The following ZNF337 variants were observed in gnomAD, a reference collection of about 807,000 sequenced individuals.
ZNF337 encodes zinc finger protein 337.
A neutral mutation model predicts 12.1 loss-of-function variants in ZNF337; 8 were observed. That is an observed-to-expected ratio of 0.66 (90% CI 0.39 to 1.19). ZNF337 has a LOEUF of 1.19. Ranked by LOEUF, ZNF337 falls within the 50% of genes most tolerant of loss-of-function variation. ZNF337 has a pLI of 0.01. For synonymous variants in ZNF337, 336 were observed against 320.0 expected (o/e 1.05, Z -0.53); for missense variants, 882 against 896.6 (o/e 0.98, Z 0.21).
Position 25,674,217 on chromosome 20 carries a change from T to C in ZNF337, c.*815A>G, listed in dbSNP as rs2065648165. 6.6e-6 allele frequency: 1 copy of C among 152,228 alleles called. No homozygotes were observed. Among genetic ancestry groups the C allele is most frequent in the Admixed American group, 6.5e-5 (1 of 15,284 alleles). 9.4% of individuals were successfully genotyped at this position (152,228 alleles called of 1,614,324 possible). A position where few individuals can be genotyped will look rare whatever the true frequency, so the allele number is the denominator to read the frequency against. ...ATAAAATACCACTGACTAGGAAATGTATAAAGAGGACTTTATTTTCCCAGA... is the reference window on the plus strand; with the variant it reads ...ATAAAATACCACTGACTAGGAAATGCATAAAGAGGACTTTATTTTCCCAGA... On this transcript the variant is annotated 3_prime_UTR_variant, in exon 5 of 5. Transcript: ENST00000252979.
Position 25,676,096 on chromosome 20 carries a change from G to A in ZNF337, c.1192C>T (p.His398Tyr). 1 of 1,614,090 alleles carries A rather than the reference G, an allele frequency of 6.2e-7. No homozygotes were observed. Among genetic ancestry groups the A allele is most frequent in the Non-Finnish European group, 8.5e-7 (1 of 1,180,008 alleles). Residue 398 changes from histidine (H) to tyrosine (Y), a missense_variant, in exon 5 of 5, where the codon CAC (histidine) becomes TAC (tyrosine). His to Tyr is a moderately conservative substitution (Grantham distance 83, BLOSUM62 2). Transcript: ENST00000252979. The stretch of plus-strand genomic sequence containing the variant: ...CACACAAAAGGCTTCTCCCCTGAGT[G>A]TGTTCTCTGGTGTCTGAGGAGACTT... ...KGSLLRHQRTHSGEKPFVCKD... is the reference protein window; with the variant it reads ...KGSLLRHQRTYSGEKPFVCKD...
intron 4 of ZNF337, among the ~76,000 whole-genome samples, chr20:25,684,368 AT>A (rs1200688456): frequency 6.6e-6 from 1 of 152,070 alleles, no homozygotes; most frequent in Non-Finnish European, 1.5e-5. Flanking sequence ...ATACAAATAA[AT>A]AAAAAATATT....
At chr20:25,677,815 G>A (rs1220542411) in intron 4 of ZNF337, 1 of 152,140 alleles carries the variant, frequency 6.6e-6, no homozygotes, top group African/African-American at 2.4e-5. Context: ...CCCTCCCAAA[G>A]TGATGAGATT....
rs746799557 is a variant in ZNF337, at chr20:25,675,008, T to C, written c.*24A>G. ...CAAAGTTACTCTCCTGAGTGTGTCCTCTGATGGATGGTGAGATATAACTTC... is the reference window on the plus strand; with the variant it reads ...CAAAGTTACTCTCCTGAGTGTGTCCCCTGATGGATGGTGAGATATAACTTC... On this transcript the variant is annotated 3_prime_UTR_variant, in exon 5 of 5. Transcript: ENST00000252979. The C allele has an allele frequency of 1.9e-6, 3 of 1,599,348 alleles. No individual in the cohort carries two copies. The highest frequency in any genetic ancestry group is 8.5e-7 in the Non-Finnish European group (1 of 1,171,698).
intron 3 of ZNF337, 100 bp from the exon 4 acceptor site, chr20:25,685,762 G>A: frequency 8.1e-7 from 1 of 1,241,474 alleles, no homozygotes; most frequent in Non-Finnish European, 1.2e-6. Flanking sequence ...AGAATCAGAG[G>A]GGGAAGGCTC....
At chr20:25,679,167 C>T (rs945942228) in intron 4 of ZNF337, among the ~76,000 whole-genome samples, 1 of 151,922 alleles carries the variant, frequency 6.6e-6, no homozygotes, top group African/African-American at 2.4e-5. Flanking sequence ...AAAATAAACT[C>T]AAAATAGATT....
chr20:25,675,661 G>C lies in ZNF337; in HGVS notation c.1627C>G (p.Pro543Ala). 2 of 1,614,128 alleles carry C rather than the reference G, an allele frequency of 1.2e-6. No individual in the cohort carries two copies. The highest frequency in any genetic ancestry group is 1.7e-6 in the Non-Finnish European group (2 of 1,180,032). Residue 543 changes from proline to alanine, a missense_variant, in exon 5 of 5, where the codon CCC (proline) becomes GCC (alanine). Physicochemically the swap from Pro to Ala is conservative, Grantham distance 27. Transcript: ENST00000252979. Reference sequence around the variant, plus strand: ...TTCTCACACTGCTTGCACATGAAGGGCTTCTCTCCTGAGTGTGTCCTCTGA... The same window carrying C: ...TTCTCACACTGCTTGCACATGAAGGCCTTCTCTCCTGAGTGTGTCCTCTGA... Reference protein sequence around the residue: ...IHQRTHSGEKPFMCKQCEKSF... With the variant: ...IHQRTHSGEKAFMCKQCEKSF...
chr20:25,675,408 G>T lies in ZNF337; in HGVS notation c.1880C>A (p.Pro627His). ...TCGCCCACACTCCTTGCATACAAAAGGCTGCTTGCCAGAATGTGCAAGCTG... is the reference window on the plus strand; with the variant it reads ...TCGCCCACACTCCTTGCATACAAAATGCTGCTTGCCAGAATGTGCAAGCTG... ...KHQLAHSGKQPFVCKECGRGF... is the reference protein window; with the variant it reads ...KHQLAHSGKQHFVCKECGRGF... The change falls in exon 5 of 5, where the codon CCT (proline) becomes CAT (histidine). Residue 627 changes from proline to histidine, a missense_variant. By Grantham distance (77) the Pro-to-His change is moderately conservative. Coordinates refer to ENST00000252979, the MANE Select transcript of ZNF337 (RefSeq NM_015655.4). The T allele has an allele frequency of 6.2e-7, 1 of 1,612,934 alleles. No homozygotes were observed. The highest frequency in any genetic ancestry group is 8.5e-7 in the Non-Finnish European group (1 of 1,179,704).
Position 25,675,120 on chromosome 20 carries a change from C to A in ZNF337, c.2168G>T (p.Ser723Ile), listed in dbSNP as rs1569003483. Residue 723 changes from serine to isoleucine, a missense_variant, in exon 5 of 5, where the codon AGC becomes ATC. Coordinates refer to ENST00000252979, the MANE Select transcript of ZNF337 (RefSeq NM_015655.4). ...YECQECGRKF[S>I]NKSYYSKHLK... ...GTGCTTACTGTAGTATGACTTATTG[C>A]TAAACTTTCGTCCACACTCTTGGCA... The A allele has an allele frequency of 6.2e-7, 1 of 1,614,156 alleles. No homozygotes were observed. Among genetic ancestry groups the A allele is most frequent in the Non-Finnish European group, 8.5e-7 (1 of 1,180,034 alleles).
intron 1 of ZNF337, among the ~76,000 whole-genome samples, chr20:25,691,573 G>A (rs2065882553): frequency 1.3e-5 from 2 of 152,278 alleles, no homozygotes; most frequent in East Asian, 1.9e-4. Context: ...GCCTCTCTCA[G>A]GGAAAAGCTG....
At chr20:25,695,590 A>G (rs6050795) in intron 1 of ZNF337, among the ~76,000 whole-genome samples, 27,244 of 152,148 alleles carry the variant, frequency 0.18, 5,441 homozygotes, top group African/African-American at 0.5. Flanking sequence ...TCGCTGTGTT[A>G]CCCAGGCTAG....
intron 1 of ZNF337, among the ~76,000 whole-genome samples, chr20:25,693,220 G>A (rs2065895451): frequency 6.6e-6 from 1 of 152,170 alleles, no homozygotes; most frequent in Admixed American, 6.5e-5. Flanking sequence ...GGGATTACAG[G>A]CGTGAGCCAC....
Position 25,674,671 on chromosome 20 carries a change from G to T in ZNF337, c.*361C>A, listed in dbSNP as rs1022078467. 12 of 232,150 alleles carry T rather than the reference G, an allele frequency of 5.2e-5. 1 individual carries two copies. The highest frequency in any genetic ancestry group is 8.4e-5 in the Non-Finnish European group (10 of 118,688). 14.4% of individuals were successfully genotyped at this position (232,150 alleles called of 1,614,324 possible). A position where few individuals can be genotyped will look rare whatever the true frequency, so the allele number is the denominator to read the frequency against. Reference sequence around the variant, plus strand: ...GTTTGCAGTCCAAGGAGGTTGGGGAGAGTGTAACAGGCCTGCCTTGGTATC... The same window carrying T: ...GTTTGCAGTCCAAGGAGGTTGGGGATAGTGTAACAGGCCTGCCTTGGTATC... On this transcript the variant is annotated 3_prime_UTR_variant, in exon 5 of 5. Transcript: ENST00000252979.
chr20:25,676,501 GCTTCT>G lies in ZNF337; in HGVS notation c.782_786del (p.Glu261AlafsTer14). 6.2e-7 allele frequency: 1 copy of G among 1,614,034 alleles called. No individual in the cohort carries two copies. Among genetic ancestry groups the G allele is most frequent in the South Asian group, 1.1e-5 (1 of 91,066 alleles). On this transcript the variant is annotated frameshift_variant, in exon 5 of 5. Transcript: ENST00000252979. LOFTEE classifies it low-confidence loss of function (END_TRUNC). ...CGTCCACACACCTTGCACAGAAAAG[GCTTCT>G]CTCCTGAGTGTGTCCTCTGGTGTCT... is the stretch of plus-strand genomic sequence containing the variant.
intron 3 of ZNF337, 140 bp downstream of exon 3, chr20:25,685,856 C>T: frequency 7.4e-7 from 1 of 1,347,694 alleles, no homozygotes; most frequent in Non-Finnish European, 1.0e-6. Flanking sequence ...TGCCCAGTGG[C>T]AGTCAGTATG....
intron 4 of ZNF337, among the ~76,000 whole-genome samples, chr20:25,682,835 CAA>C (rs59331202): frequency 7.6e-6 from 1 of 131,966 alleles, no homozygotes; most frequent in South Asian, 2.5e-4. Flanking sequence ...AACTCCGACT[CAA>C]AAAAAAAAAA....
intron 1 of ZNF337, among the ~76,000 whole-genome samples, chr20:25,696,377 C>G (rs1393929874): frequency 6.6e-6 from 1 of 152,190 alleles, no homozygotes; most frequent in African/African-American, 2.4e-5. Flanking sequence ...CCCTCCACCT[C>G]CGGCCAAAAG....
At chr20:25,678,697 G>A (rs2065734447) in intron 4 of ZNF337, among the ~76,000 whole-genome samples, 1 of 152,124 alleles carries the variant, frequency 6.6e-6, no homozygotes, top group African/African-American at 2.4e-5. Flanking sequence ...TGTAATCCCA[G>A]TGCTCTGAGA....
chr20:25,695,938 G>A (rs940871024), intron 1 of ZNF337, among the ~76,000 whole-genome samples: 1 of 152,110 alleles, frequency 6.6e-6, no homozygotes, highest in Non-Finnish European at 1.5e-5. Context: ...AATAACCTGG[G>A]CCACAGTCAC....
Sources: allele counts gnomAD v4.1 joint callset (sites outside exome capture counted in the v4.1 genomes callset), GRCh38; gene constraint gnomAD v4.1.1; transcripts MANE v1.5; gene names NCBI Gene and HGNC (gene_info 2026-07-23, HGNC 2026-07-21).